Variants in LRRC2 observed in about 807,000 individuals in gnomAD.
LRRC2 encodes the protein leucine rich repeat containing 2, also known as leucine-rich repeat-containing protein 2.
A neutral mutation model predicts 40.2 loss-of-function variants in LRRC2; 27 were observed. The ratio of observed to expected loss-of-function variants is 0.67; its 90% CI spans 0.49 to 0.93. The LOEUF (loss-of-function observed/expected upper bound fraction) is 0.93. Ranked by LOEUF, LRRC2 falls within the 40% of genes least tolerant of loss-of-function variation. The probability of loss-of-function intolerance (pLI) is 0.00; values close to 1 mark genes in which losing one functional copy is unlikely to be tolerated. For missense variants in LRRC2, 402 were observed against 439.6 expected (o/e 0.91, Z 0.76); for synonymous variants, 147 against 158.9 (o/e 0.92, Z 0.56).
chr3:46,552,262 T>C (rs1192841567), intron 1 of LRRC2, among the ~76,000 whole-genome samples: 1 of 151,788 alleles, frequency 6.6e-6, no homozygotes, highest in Non-Finnish European at 1.5e-5. Flanking sequence ...AAGGATAAGT[T>C]AGATGAATTA....
intron 7 of LRRC2, among the ~76,000 whole-genome samples, chr3:46,524,544 T>C (rs1170291250): frequency 6.6e-6 from 1 of 152,258 alleles, no homozygotes; most frequent in African/African-American, 2.4e-5. Context: ...GCTTGTTCTC[T>C]GGGATTTGGT....
chr3:46,552,570 T>G (rs1480483262), intron 1 of LRRC2, among the ~76,000 whole-genome samples: 5 of 152,152 alleles, frequency 3.3e-5, no homozygotes, highest in Non-Finnish European at 5.9e-5. Flanking sequence ...GGATTGCCTT[T>G]TCCATCCTCC....
chr3:46,540,737 G>A (rs769698011), intron 3 of LRRC2, among the ~76,000 whole-genome samples: 6 of 152,136 alleles, frequency 3.9e-5, no homozygotes, highest in African/African-American at 7.2e-5. Flanking sequence ...GCCCTGTGCC[G>A]CTGCTTCTGA....
At position 46,530,108 on chromosome 3, in the gene LRRC2, A is replaced by G. The variant is rs1704133058; in HGVS notation, c.628-58T>C. Reference sequence around the variant, plus strand: ...TTTATAAGAGTGGGAATTAAGTTCAACTAATAATTTTAAGATGGATATTTC... The same window carrying G: ...TTTATAAGAGTGGGAATTAAGTTCAGCTAATAATTTTAAGATGGATATTTC... On this transcript the variant is annotated intron_variant, in intron 5 of 8. Coordinates refer to ENST00000395905, the MANE Select transcript of LRRC2 (RefSeq NM_024512.5). The G allele has an allele frequency of 3.6e-6, 5 of 1,388,270 alleles. No homozygotes were observed. In the South Asian group the frequency reaches 4.8e-5, roughly 13 times the overall value. 86.0% of individuals were successfully genotyped at this position (1,388,270 alleles called of 1,614,324 possible).
At chr3:46,526,529 T>C (rs539629035) in intron 7 of LRRC2, among the ~76,000 whole-genome samples, 11 of 152,368 alleles carry the variant, frequency 7.2e-5, no homozygotes, top group African/African-American at 2.4e-4. Context: ...GAGTAGGGCA[T>C]GCGTGAGATG....
At position 46,549,860 on chromosome 3, in the gene LRRC2, T is replaced by G. The variant is rs1704605152; in HGVS notation, c.125+1607A>C. ...TGTTCTGCTGTAGAGTAACCCCAGATGCTAGGTGTGCGGAGGAAATCAAAG... is the reference window on the plus strand; with the variant it reads ...TGTTCTGCTGTAGAGTAACCCCAGAGGCTAGGTGTGCGGAGGAAATCAAAG... On this transcript the variant is annotated intron_variant, in intron 2 of 8. Transcript: ENST00000395905. Among the ~76,000 whole-genome samples, 3 of 152,338 alleles carry G rather than the reference T, an allele frequency of 2.0e-5. 1 individual carries two copies. Among genetic ancestry groups the G allele is most frequent in the Non-Finnish European group, 2.9e-5 (2 of 68,036 alleles).
At chr3:46,525,167 C>A (rs991528396) in intron 7 of LRRC2, among the ~76,000 whole-genome samples, 22 of 149,144 alleles carry the variant, frequency 1.5e-4, no homozygotes, top group Non-Finnish European at 7.4e-5. Context: ...TGGCTCACTG[C>A]AGCCTCGACC....
rs143768101 is a variant in LRRC2, at chr3:46,551,564, T to G, written c.28A>C (p.Ile10Leu). MGHKVVVFDISVIRALWETR... is the reference protein window; with the variant it reads MGHKVVVFDLSVIRALWETR... ...TCCCACAAGGCTCTGATGACAGAAATGTCGAAGACAACCACTTTATGTCCC... is the reference window on the plus strand; with the variant it reads ...TCCCACAAGGCTCTGATGACAGAAAGGTCGAAGACAACCACTTTATGTCCC... Residue 10 changes from isoleucine to leucine, a missense_variant, in exon 2 of 9, where the codon ATT becomes CTT. Transcript: ENST00000395905. The G allele has an allele frequency of 1.3e-4, 208 of 1,613,734 alleles. No individual in the cohort carries two copies. The African/African-American group carries it at 2.6e-3, about 20-fold the overall frequency.
chr3:46,560,955 C>T (rs1489062750), intron 1 of LRRC2, among the ~76,000 whole-genome samples: 2 of 152,126 alleles, frequency 1.3e-5, no homozygotes, highest in African/African-American at 4.8e-5. Flanking sequence ...AGCACACTCT[C>T]AAAGGTTAGA....
intron 4 of LRRC2, among the ~76,000 whole-genome samples, chr3:46,534,104 G>T (rs922557265): frequency 6.6e-6 from 1 of 151,858 alleles, no homozygotes; most frequent in African/African-American, 2.4e-5. Context: ...AACAGGCCCA[G>T]TGTGTGATGT....
At chr3:46,534,974 C>T (rs1209595757) in intron 4 of LRRC2, among the ~76,000 whole-genome samples, 1 of 152,196 alleles carries the variant, frequency 6.6e-6, no homozygotes, top group Non-Finnish European at 1.5e-5. Context: ...TTGTAAGGAG[C>T]TATATCTGCT....
chr3:46,532,621 T>G (rs1704181396), intron 5 of LRRC2, 152 bp downstream of exon 5: 2 of 815,740 alleles, frequency 2.5e-6, no homozygotes, highest in South Asian at 2.4e-5. Flanking sequence ...AAAGAAGTTT[T>G]TAAAGACCAG....
In LRRC2 at chr3:46,517,892, A is replaced by G. The variant is rs949267635; in HGVS notation, c.*1122T>C. ...GTGGTACCCACAAGGAAGCCTTGCT[A>G]GGAACTCCTTATCAGTGTGGACTGG... On this transcript the variant is annotated 3_prime_UTR_variant, in exon 9 of 9. Coordinates refer to ENST00000395905, the MANE Select transcript of LRRC2 (RefSeq NM_024512.5). 1 of 152,254 alleles carries G rather than the reference A, an allele frequency of 6.6e-6. No homozygotes were observed. The highest frequency in any genetic ancestry group is 2.4e-5 in the African/African-American group (1 of 41,446). 9.4% of individuals were successfully genotyped at this position (152,254 alleles called of 1,614,324 possible). A position where few individuals can be genotyped will look rare whatever the true frequency, so the allele number is the denominator to read the frequency against.
At chr3:46,549,421 A>G (rs1704595173) in intron 2 of LRRC2, among the ~76,000 whole-genome samples, 1 of 152,206 alleles carries the variant, frequency 6.6e-6, no homozygotes, top group African/African-American at 2.4e-5. Context: ...CTGAGAAACT[A>G]AGTTCCTTTC....
chr3:46,548,150 T>TA (rs1464097286), intron 2 of LRRC2, among the ~76,000 whole-genome samples: 1 of 152,226 alleles, frequency 6.6e-6, no homozygotes, highest in East Asian at 1.9e-4. Flanking sequence ...CATCCCTATG[T>TA]AATATATCAT....
intron 4 of LRRC2, 93 bp from the exon 5 acceptor site, chr3:46,533,002 T>C: frequency 7.9e-7 from 1 of 1,268,148 alleles, no homozygotes; most frequent in Admixed American, 2.1e-5. Flanking sequence ...GCTCTGTAAA[T>C]AATGATGGGG....
At chr3:46,543,729 A>G (rs770086317) in intron 3 of LRRC2, among the ~76,000 whole-genome samples, 7 of 152,088 alleles carry the variant, frequency 4.6e-5, no homozygotes, top group Non-Finnish European at 7.4e-5. Flanking sequence ...CTCCAGGTGA[A>G]CTGGACACCC....
At chr3:46,556,408 T>G (rs1704795132) in intron 1 of LRRC2, among the ~76,000 whole-genome samples, 1 of 152,110 alleles carries the variant, frequency 6.6e-6, no homozygotes, top group Non-Finnish European at 1.5e-5. Flanking sequence ...ATGACAGGCA[T>G]GAGCCACCGC....
chr3:46,552,472 A>G (rs977029897), intron 1 of LRRC2, among the ~76,000 whole-genome samples: 10 of 151,960 alleles, frequency 6.6e-5, no homozygotes, highest in Non-Finnish European at 1.3e-4. Flanking sequence ...AAGATATTTG[A>G]GTGTTCTTTC....
Sources: allele counts gnomAD v4.1 joint callset (sites outside exome capture counted in the v4.1 genomes callset), GRCh38; gene constraint gnomAD v4.1.1; transcripts MANE v1.5; gene names NCBI Gene and HGNC (gene_info 2026-07-23, HGNC 2026-07-21).